Variants in ADAM12 observed in about 807,000 individuals in gnomAD.
ADAM12 encodes the protein ADAM metallopeptidase domain 12.
In ADAM12, 70 loss-of-function variants were observed where a neutral mutation model predicts 106.4. That is an observed-to-expected ratio of 0.66 (90% CI 0.54 to 0.80). The LOEUF is 0.80. Among genes scored for constraint, ADAM12 ranks in the 30% least tolerant of loss-of-function variants. The pLI, the probability that ADAM12 is intolerant of heterozygous loss-of-function variation, is 0.00. For missense variants in ADAM12, 1,010 were observed against 1,171.9 expected (o/e 0.86, Z 2.02); for synonymous variants, 420 against 433.5 (o/e 0.97, Z 0.39).
chr10:126,238,755 A>G (rs1367813437), intron 3 of ADAM12, among the ~76,000 whole-genome samples: 3 of 152,226 alleles, frequency 2.0e-5, no homozygotes, highest in Non-Finnish European at 4.4e-5. Flanking sequence ...CTTCCAGGCA[A>G]CAGCTCATAA....
Position 126,354,818 on chromosome 10 carries a change from T to A in ADAM12, c.89-24309A>T, listed in dbSNP as rs528020708. On this transcript the variant is annotated intron_variant, in intron 1 of 22. Transcript: ENST00000448723. ...CCACTGCTAAAGTTTGTTTTTTTTT[T>A]AATGAATACTCAAAGATATATTTAA... Among the ~76,000 whole-genome samples, 392 of 152,030 alleles carry A rather than the reference T, an allele frequency of 2.6e-3. 2 individuals carry two copies. Among genetic ancestry groups the A allele is most frequent in the African/African-American group, 9.1e-3 (376 of 41,456 alleles).
chr10:126,103,358 C>T (rs999330980), intron 8 of ADAM12, among the ~76,000 whole-genome samples: 11 of 152,262 alleles, frequency 7.2e-5, no homozygotes, highest in South Asian at 6.2e-4. Context: ...GGGCTGCTGA[C>T]GGGTTCCTTT....
At position 126,375,249 on chromosome 10, in the gene ADAM12, G is replaced by GT. The variant is rs201761289; in HGVS notation, c.88+12808dup. The stretch of plus-strand genomic sequence containing the variant: ...TGGAAGTGGTTTGCAAGAAGCCATG[G>GT]TTAAAAAAAAAAAAAGAAAGAAAGA... On this transcript the variant is annotated intron_variant, in intron 1 of 22. Transcript: ENST00000448723. 5.3e-3 allele frequency among the ~76,000 whole-genome samples: 777 copies of GT among 146,602 alleles called. 13 individuals are homozygous for GT. The highest frequency in any genetic ancestry group is 0.02 in the African/African-American group (741 of 37,992).
chr10:126,184,477 T>G (rs2133790188), intron 3 of ADAM12, among the ~76,000 whole-genome samples: 1 of 152,338 alleles, frequency 6.6e-6, no homozygotes, highest in South Asian at 2.1e-4. Flanking sequence ...ATTAGTACAT[T>G]AGTCTTCCAA....
intron 2 of ADAM12, among the ~76,000 whole-genome samples, chr10:126,303,380 T>G (rs1960707414): frequency 6.6e-6 from 1 of 152,186 alleles, no homozygotes; most frequent in Admixed American, 6.5e-5. Context: ...TTAAATTGGT[T>G]GTTTGTGATT....
At chr10:126,356,262 T>C (rs1047522428) in intron 1 of ADAM12, among the ~76,000 whole-genome samples, 14 of 152,182 alleles carry the variant, frequency 9.2e-5, no homozygotes, top group African/African-American at 2.9e-4. Flanking sequence ...GAATACACCC[T>C]GTAGCCCAGC....
intron 1 of ADAM12, among the ~76,000 whole-genome samples, chr10:126,369,971 C>T (rs924107162): frequency 6.6e-6 from 1 of 152,136 alleles, no homozygotes; most frequent in African/African-American, 2.4e-5. Flanking sequence ...ATTATATTGC[C>T]TTCTCAGTCT....
chr10:126,094,573 G>A (rs1230383995), intron 10 of ADAM12, among the ~76,000 whole-genome samples: 5 of 152,190 alleles, frequency 3.3e-5, no homozygotes, highest in Non-Finnish European at 7.3e-5. Flanking sequence ...ACAGGTGCAA[G>A]CACGCTTAAT....
At chr10:126,293,587 T>C (rs10128170) in intron 2 of ADAM12, among the ~76,000 whole-genome samples, 32,357 of 152,082 alleles carry the variant, frequency 0.21, 3,601 homozygotes, top group African/African-American at 0.25. Context: ...GGTGTGACCT[T>C]GGCTCACTGC....
intron 19 of ADAM12, 98 bp from the exon 20 acceptor site, chr10:126,038,447 T>G: frequency 1.1e-6 from 1 of 906,056 alleles, no homozygotes; most frequent in South Asian, 1.9e-5. Flanking sequence ...AAAGACAGTT[T>G]ACTTAACTCA....
chr10:126,198,553 C>A (rs1244309948), intron 3 of ADAM12, among the ~76,000 whole-genome samples: 1 of 152,188 alleles, frequency 6.6e-6, no homozygotes, highest in Non-Finnish European at 1.5e-5. Context: ...TCGTGTGAAT[C>A]CTGCAGCTTC....
chr10:126,113,762 C>T (rs1464516742), intron 6 of ADAM12, among the ~76,000 whole-genome samples: 2 of 109,502 alleles, frequency 1.8e-5, no homozygotes, highest in African/African-American at 3.7e-5. Context: ...GGAAGGAGAA[C>T]GGATTCTAGG....
chr10:126,364,641 T>C (rs1855850711), intron 1 of ADAM12, among the ~76,000 whole-genome samples: 1 of 152,108 alleles, frequency 6.6e-6, no homozygotes, highest in Non-Finnish European at 1.5e-5. Context: ...AAATTATGGC[T>C]CACAAAAGGG....
intron 3 of ADAM12, among the ~76,000 whole-genome samples, chr10:126,217,758 A>AG (rs111813305): frequency 1 from 150,376 of 150,380 alleles, 75,186 homozygotes; most frequent in Middle Eastern, 1. Flanking sequence ...GGATCACCTG[A>AG]GTCAGGAGTT....
intron 8 of ADAM12, among the ~76,000 whole-genome samples, chr10:126,104,753 A>C (rs1955732942): frequency 6.6e-6 from 1 of 152,146 alleles, no homozygotes; most frequent in Non-Finnish European, 1.5e-5. Flanking sequence ...AACATTCCAG[A>C]ATGTCACCTT....
At chr10:126,114,985 A>T (rs1188255178) in intron 6 of ADAM12, among the ~76,000 whole-genome samples, 1 of 152,166 alleles carries the variant, frequency 6.6e-6, no homozygotes, top group Non-Finnish European at 1.5e-5. Flanking sequence ...CCCCACCACT[A>T]CTGTGCCTTC....
At chr10:126,070,852 A>G (rs1954973684) in intron 12 of ADAM12, among the ~76,000 whole-genome samples, 1 of 152,158 alleles carries the variant, frequency 6.6e-6, no homozygotes, top group South Asian at 2.1e-4. Context: ...GACTTTTATA[A>G]TTTTTATAGT....
chr10:126,073,342 C>G (rs1955036877), intron 11 of ADAM12, among the ~76,000 whole-genome samples: 1 of 152,202 alleles, frequency 6.6e-6, no homozygotes, highest in Non-Finnish European at 1.5e-5. Flanking sequence ...CCCGCCTCGG[C>G]CTCCCAAAGT....
intron 3 of ADAM12, among the ~76,000 whole-genome samples, chr10:126,259,524 C>T (rs1958958280): frequency 6.6e-6 from 1 of 152,202 alleles, no homozygotes; most frequent in Non-Finnish European, 1.5e-5. Flanking sequence ...CTCAAAAGGT[C>T]TCAGGCACCT....
Sources: gnomAD v4.1 joint callset for allele counts (sites outside exome capture counted in the v4.1 genomes callset) on GRCh38, gnomAD v4.1.1 for gene constraint, MANE v1.5 for transcripts, NCBI Gene and HGNC (gene_info 2026-07-23, HGNC 2026-07-21) for gene names.